MYOF: variants seen among roughly 807,000 people sequenced by gnomAD.
The protein encoded by MYOF is myoferlin, also known as fer-1-like 3, myoferlin.
In MYOF, 244 loss-of-function variants were observed where a neutral mutation model predicts 284.2. The ratio of observed to expected loss-of-function variants is 0.86; its 90% CI spans 0.77 to 0.95. The LOEUF is 0.95. Among genes scored for constraint, MYOF ranks in the 40% least tolerant of loss-of-function variants. The probability of loss-of-function intolerance (pLI) is 0.00; values close to 1 mark genes in which losing one functional copy is unlikely to be tolerated. For synonymous variants in MYOF, 904 were observed against 919.7 expected (o/e 0.98, Z 0.31); for missense variants, 2,496 against 2,560.6 (o/e 0.97, Z 0.54).
At chr10:93,400,035 T>TA (rs1196995874) in intron 12 of MYOF, among the ~76,000 whole-genome samples, 1 of 151,824 alleles carries the variant, frequency 6.6e-6, no homozygotes, top group African/African-American at 2.4e-5. Context: ...TATCTCAAAA[T>TA]AAAATAAAAT....
chr10:93,406,392 T>G (rs1239428318), intron 7 of MYOF, among the ~76,000 whole-genome samples: 5 of 147,826 alleles, frequency 3.4e-5, no homozygotes, highest in African/African-American at 1.2e-4. Flanking sequence ...GGACTTCTCT[T>G]TTGCCAAGAG....
chr10:93,429,303 C>A (rs1017331466), intron 4 of MYOF, among the ~76,000 whole-genome samples: 1 of 152,128 alleles, frequency 6.6e-6, no homozygotes, highest in South Asian at 2.1e-4. Flanking sequence ...AGAAGCTGAG[C>A]AGATATCGGT....
intron 18 of MYOF, among the ~76,000 whole-genome samples, 181 bp from the exon 19 acceptor site, chr10:93,388,094 T>C (rs1331255676): frequency 2.0e-5 from 3 of 152,132 alleles, no homozygotes; most frequent in African/African-American, 4.8e-5. Flanking sequence ...AAGAGAGCCA[T>C]TGGCTTTAGG....
At position 93,392,311 on chromosome 10, in the gene MYOF, T is replaced by C. The variant is rs1846735378; in HGVS notation, c.1456+606A>G. Among the ~76,000 whole-genome samples the C allele has an allele frequency of 1.3e-5, 2 of 152,318 alleles. 1 individual carries two copies. Among genetic ancestry groups the C allele is most frequent in the South Asian group, 4.1e-4 (2 of 4,828 alleles). On this transcript the variant is annotated intron_variant, in intron 17 of 53. Coordinates refer to ENST00000359263, the MANE Select transcript of MYOF (RefSeq NM_013451.4). Reference sequence around the variant, plus strand: ...TATGGCAGGGCGAATCATGCTTATCTGACAGATAATGAACCTCTCTAAACC... The same window carrying C: ...TATGGCAGGGCGAATCATGCTTATCCGACAGATAATGAACCTCTCTAAACC...
intron 39 of MYOF, among the ~76,000 whole-genome samples, chr10:93,339,172 G>A (rs147295729): frequency 1.1e-3 from 171 of 151,748 alleles, no homozygotes; most frequent in African/African-American, 3.7e-3. Flanking sequence ...GCCACCATAC[G>A]AGGCTACTTT....
chr10:93,377,542 C>T (rs1263234426), intron 21 of MYOF, 113 bp from the exon 22 acceptor site: 8 of 778,192 alleles, frequency 1.0e-5, no homozygotes, highest in Non-Finnish European at 1.6e-5. Flanking sequence ...ATTCAAAAAA[C>T]AAATAAAATG....
chr10:93,309,962 G>C, intron 53 of MYOF, 58 bp downstream of exon 53: 1 of 1,605,386 alleles, frequency 6.2e-7, no homozygotes, highest in Non-Finnish European at 8.5e-7. Context: ...TGCCAAGGGA[G>C]AGGACCAACT....
At chr10:93,362,322 T>G (rs1185821107) in intron 27 of MYOF, among the ~76,000 whole-genome samples, 1 of 151,902 alleles carries the variant, frequency 6.6e-6, no homozygotes. Flanking sequence ...CTCGAGTCAC[T>G]GCAACCTCCC....
chr10:93,380,011 A>C (rs776929617), intron 20 of MYOF, 24 bp from the exon 21 acceptor site: 30 of 1,608,088 alleles, frequency 1.9e-5, no homozygotes, highest in Non-Finnish European at 2.5e-5. Context: ...TTGGGGGTCA[A>C]TGAACACTGA....
chr10:93,460,782 A>AAAAG lies in MYOF; in HGVS notation c.89-3849_89-3846dup, dbSNP rs1554871523. Among the ~76,000 whole-genome samples the AAAAG allele has an allele frequency of 3.2e-4, 45 of 140,074 alleles. 7 individuals are homozygous for AAAAG. Among genetic ancestry groups the AAAAG allele is most frequent in the Admixed American group, 3.0e-4 (4 of 13,554 alleles). 91.9% of individuals were successfully genotyped at this position (140,074 alleles called of 152,430 possible). ...ACCCCATCTCCAAAAAAAAAAAAAA[A>AAAAG]AAAGAAAGAAAAAGAAAAAAAAAGT... On this transcript the variant is annotated intron_variant, in intron 1 of 53. Transcript: ENST00000359263.
In MYOF at chr10:93,349,860, T is replaced by C; in HGVS notation, c.4031A>G (p.Lys1344Arg). 1 of 1,614,066 alleles carries C rather than the reference T, an allele frequency of 6.2e-7. No individual in the cohort carries two copies. ...AAAGTTGGGTGTCTTCTTAAGGTTTTTGATCACCACCGATTCCACCCTTTC... is the reference window on the plus strand; with the variant it reads ...AAAGTTGGGTGTCTTCTTAAGGTTTCTGATCACCACCGATTCCACCCTTTC... The part of the protein sequence containing the change: ...GGERVESVVI[K>R]NLKKTPNFPS... The change falls in exon 36 of 54, where the codon AAA (lysine) becomes AGA (arginine). Residue 1344 changes from lysine (K) to arginine (R), a missense_variant. By Grantham distance (26) the Lys-to-Arg change is conservative (BLOSUM62 2). This residue lies in a region of MYOF where 2,436 missense variants were observed against 2,480.7 expected (regional missense o/e 0.98). Transcript: ENST00000359263.
rs1389189584 is a variant in MYOF at position 93,351,209 on chromosome 10, G to A, written c.3909C>T (p.Leu1303=). 1 of 1,614,144 alleles carries A rather than the reference G, an allele frequency of 6.2e-7. No individual in the cohort carries two copies. The highest frequency in any genetic ancestry group is 1.1e-5 in the South Asian group (1 of 91,074). ...GGGAGCAGCATACCTCAATGGCAGTGAGCTGGACCACAGGCCTGATCCCCT... is the reference window on the plus strand; with the variant it reads ...GGGAGCAGCATACCTCAATGGCAGTAAGCTGGACCACAGGCCTGATCCCCT... The part of the protein sequence containing the change: ...VPQGIRPVVQ[L]TAIEILAWGL... Residue 1303 remains leucine (L), a synonymous_variant, in exon 35 of 54, where the codon CTC becomes CTT. Transcript: ENST00000359263.
At chr10:93,373,346 C>A (rs531598109) in intron 23 of MYOF, among the ~76,000 whole-genome samples, 1 of 152,250 alleles carries the variant, frequency 6.6e-6, no homozygotes, top group South Asian at 2.1e-4. Context: ...CCCTCCTACT[C>A]TTCTCTGGGA....
rs375908015 is a variant in MYOF, at chr10:93,307,388, C to G, written c.6148-387G>C. The stretch of plus-strand genomic sequence containing the variant: ...TCGGCTCACTGCAACCTCCGCCTCC[C>G]AGGTTCACGCCATGCCATTCTCCTG... On this transcript the variant is annotated intron_variant, in intron 53 of 53. Transcript: ENST00000359263. Among the ~76,000 whole-genome samples, 80 of 152,176 alleles carry G rather than the reference C, an allele frequency of 5.3e-4. 1 individual carries two copies. The East Asian group carries it at 0.015, about 28-fold the overall frequency.
intron 7 of MYOF, among the ~76,000 whole-genome samples, chr10:93,405,838 C>T (rs1847537758): frequency 6.7e-6 from 1 of 148,160 alleles, no homozygotes; most frequent in African/African-American, 2.5e-5. Flanking sequence ...CTCTCTGTTG[C>T]CCAGGCTGGA....
At chr10:93,374,977 G>A (rs756994150) in intron 22 of MYOF, 22 bp from the exon 23 acceptor site, 1 of 1,598,664 alleles carries the variant, frequency 6.3e-7, no homozygotes, top group Non-Finnish European at 8.5e-7. Flanking sequence ...AAGAAAAAAA[G>A]AAACAGAGGA....
chr10:93,326,359 C>G (rs1296876634), intron 45 of MYOF, among the ~76,000 whole-genome samples: 1 of 152,196 alleles, frequency 6.6e-6, no homozygotes. Flanking sequence ...TCCTCCGGAC[C>G]TGGCCCATAA....
chr10:93,476,355 G>C (rs1286671799), intron 1 of MYOF, among the ~76,000 whole-genome samples: 2 of 145,190 alleles, frequency 1.4e-5, no homozygotes, highest in Non-Finnish European at 3.0e-5. Context: ...AGGTCCAAGC[G>C]ATTCTCCTGC....
chr10:93,480,467 C>CTT lies in MYOF; in HGVS notation c.88+1638_88+1639dup, dbSNP rs34363499. ...TTTTAACCAACCAACAATTTGCCAG[C>CTT]TTTTTTTTTTTTTTTTTTTTTTTTT... On this transcript the variant is annotated intron_variant, in intron 1 of 53. Transcript: ENST00000359263. Among the ~76,000 whole-genome samples, 23 of 71,766 alleles carry CTT rather than the reference C, an allele frequency of 3.2e-4. 1 individual carries two copies. The highest frequency in any genetic ancestry group is 9.8e-4 in the African/African-American group (17 of 17,358). The allele number at this position is 71,766 out of a possible 152,430, so 47.1% of individuals were successfully genotyped here.
Sources: allele counts gnomAD v4.1 joint callset (sites outside exome capture counted in the v4.1 genomes callset), GRCh38; gene constraint gnomAD v4.1.1; regional missense constraint gnomAD v4.1.1; transcripts MANE v1.5; gene names NCBI Gene and HGNC (gene_info 2026-07-23, HGNC 2026-07-21).